Variants in ETFA observed in about 807,000 individuals in gnomAD.
The protein encoded by ETFA is electron transfer flavoprotein subunit alpha, mitochondrial.
In ETFA, 22 loss-of-function variants were observed where a neutral mutation model predicts 46.2. That is an observed-to-expected ratio of 0.48 (90% CI 0.34 to 0.68). ETFA has a LOEUF of 0.68. ETFA is among the 30% of genes least tolerant of loss of function. The pLI is 0.01. For synonymous variants in ETFA, 131 were observed against 139.9 expected, an observed-to-expected ratio of 0.94 and a Z score of 0.45; for missense variants, 345 against 401.1, an observed-to-expected ratio of 0.86 and a Z score of 1.19.
intron 9 of ETFA, among the ~76,000 whole-genome samples, chr15:76,253,138 AGAG>A (rs1472327136): frequency 2.6e-5 from 4 of 152,186 alleles, no homozygotes; most frequent in Admixed American, 1.3e-4. Context: ...TAAAAAATAA[AGAG>A]GAGAAGAAGT....
At chr15:76,221,486 A>G (rs1305095028) in intron 11 of ETFA, among the ~76,000 whole-genome samples, 4 of 152,224 alleles carry the variant, frequency 2.6e-5, no homozygotes, top group Non-Finnish European at 5.9e-5. Flanking sequence ...TACGTGAATT[A>G]TATCTCAGTA....
chr15:76,296,055 CCCGCCT>C (rs1327825252), intron 1 of ETFA, among the ~76,000 whole-genome samples: 1 of 149,340 alleles, frequency 6.7e-6, no homozygotes, highest in East Asian at 2.0e-4. Context: ...ATGCCATTCT[CCCGCCT>C]CCGCCTCCTG....
At chr15:76,277,900 G>C (rs907750791) in intron 8 of ETFA, among the ~76,000 whole-genome samples, 8 of 152,106 alleles carry the variant, frequency 5.3e-5, no homozygotes, top group South Asian at 4.2e-4. Context: ...GCTACTTTTG[G>C]GTTTCTGCTC....
intron 2 of ETFA, among the ~76,000 whole-genome samples, chr15:76,293,757 A>G (rs2039791556): frequency 6.6e-6 from 1 of 152,242 alleles, no homozygotes. Context: ...TTGCAACAAT[A>G]TTCACTGAAG....
At chr15:76,219,592 T>C (rs2038938060) in intron 11 of ETFA, among the ~76,000 whole-genome samples, 1 of 152,240 alleles carries the variant, frequency 6.6e-6, no homozygotes, top group Admixed American at 6.5e-5. Context: ...AAGTGTTTAG[T>C]ATCCAGAATA....
At chr15:76,268,647 C>T (rs2039497856) in intron 9 of ETFA, among the ~76,000 whole-genome samples, 1 of 152,194 alleles carries the variant, frequency 6.6e-6, no homozygotes, top group South Asian at 2.1e-4. Context: ...CCCTATTCAG[C>T]ATGAAGAAGT....
At chr15:76,253,105 G>C (rs941001987) in intron 9 of ETFA, among the ~76,000 whole-genome samples, 2 of 151,864 alleles carry the variant, frequency 1.3e-5, no homozygotes, top group African/African-American at 2.4e-5. Context: ...TCAACTTTTC[G>C]TAAGTCTGAA....
chr15:76,266,689 G>A (rs1478804590), intron 9 of ETFA, among the ~76,000 whole-genome samples: 1 of 152,128 alleles, frequency 6.6e-6, no homozygotes, highest in Non-Finnish European at 1.5e-5. Context: ...GGCTCATGAG[G>A]TCAGGAGATG....
intron 9 of ETFA, among the ~76,000 whole-genome samples, chr15:76,263,607 G>A (rs1003356216): frequency 2.0e-5 from 3 of 152,278 alleles, no homozygotes; most frequent in Middle Eastern, 3.4e-3. Context: ...CATGGTTTCC[G>A]GAACAAGGGA....
rs147074428 is a variant in ETFA, at chr15:76,308,761, C to T, written c.39+2589G>A. Among the ~76,000 whole-genome samples, 1,110 of 152,288 alleles carry T rather than the reference C, an allele frequency of 7.3e-3. 19 individuals carry two copies. The highest frequency in any genetic ancestry group is 0.025 in the African/African-American group (1,056 of 41,562). ...AATTGAACATCCATAGATTAGAAAA[C>T]AGTATTTTATGGTGAAACTTCCAGA... On this transcript the variant is annotated intron_variant, in intron 1 of 11. Coordinates refer to ENST00000557943, the MANE Select transcript of ETFA (RefSeq NM_000126.4).
At chr15:76,219,103 G>A (rs570615209) in intron 11 of ETFA, among the ~76,000 whole-genome samples, 5 of 152,340 alleles carry the variant, frequency 3.3e-5, no homozygotes, top group African/African-American at 1.2e-4. Context: ...GGCACAGACA[G>A]AGATAAACAA....
intron 9 of ETFA, among the ~76,000 whole-genome samples, chr15:76,264,327 A>G (rs2039448786): frequency 6.6e-6 from 1 of 152,224 alleles, no homozygotes; most frequent in African/African-American, 2.4e-5. Context: ...GGGAAAACAC[A>G]CAAGTGCAGT....
intron 10 of ETFA, among the ~76,000 whole-genome samples, chr15:76,226,600 C>T (rs148568611): frequency 0.011 from 1,620 of 151,362 alleles, 25 homozygotes; most frequent in African/African-American, 0.037. Context: ...ATAAATAGGC[C>T]GGGCACGGTG....
intron 9 of ETFA, among the ~76,000 whole-genome samples, chr15:76,247,221 T>G (rs373312422): frequency 5.3e-5 from 8 of 152,214 alleles, no homozygotes; most frequent in African/African-American, 1.7e-4. Flanking sequence ...TATCAAGGAT[T>G]TGTAGGAGTG....
chr15:76,292,712 A>G lies in ETFA; in HGVS notation c.187-12T>C. On this transcript the variant is annotated splice_polypyrimidine_tract_variant and intron_variant, in intron 2 of 11. Coordinates refer to ENST00000557943, the MANE Select transcript of ETFA (RefSeq NM_000126.4). ...AGATCTTGTGCCACCTATGATTAAA[A>G]GATAAGTTCCTAATTATCCATCTAT... 6.4e-7 allele frequency: 1 copy of G among 1,570,182 alleles called. No homozygotes were observed. Among genetic ancestry groups the G allele is most frequent in the Non-Finnish European group, 8.8e-7 (1 of 1,139,890 alleles).
intron 9 of ETFA, among the ~76,000 whole-genome samples, chr15:76,270,001 A>G (rs910807620): frequency 6.6e-6 from 1 of 152,258 alleles, no homozygotes; most frequent in African/African-American, 2.4e-5. Context: ...GCTCATCATC[A>G]TTAGATGAGC....
intron 1 of ETFA, among the ~76,000 whole-genome samples, chr15:76,305,820 A>G (rs1355120810): frequency 1.3e-5 from 2 of 151,998 alleles, no homozygotes; most frequent in Non-Finnish European, 2.9e-5. Context: ...GCTAAGTCCA[A>G]TGAACACATT....
intron 4 of ETFA, among the ~76,000 whole-genome samples, 158 bp from the exon 5 acceptor site, chr15:76,288,103 C>T (rs761546574): frequency 3.9e-5 from 6 of 152,142 alleles, no homozygotes; most frequent in Non-Finnish European, 7.3e-5. Context: ...TCAAGCACAG[C>T]TTTTTAAATA....
intron 11 of ETFA, among the ~76,000 whole-genome samples, chr15:76,225,577 C>G (rs751138362): frequency 2.0e-5 from 3 of 152,162 alleles, no homozygotes; most frequent in Non-Finnish European, 4.4e-5. Context: ...GTGTGAGCCA[C>G]CACGCCCGGC....
Sources: gnomAD v4.1 joint callset for allele counts (sites outside exome capture counted in the v4.1 genomes callset) on GRCh38, gnomAD v4.1.1 for gene constraint, MANE v1.5 for transcripts, NCBI Gene and HGNC (gene_info 2026-07-23, HGNC 2026-07-21) for gene names.